Variants in CASS4 observed in about 807,000 individuals in gnomAD.
CASS4 encodes the protein Cas scaffold protein family member 4, also known as cas scaffolding protein family member 4.
CASS4 carries 22 observed loss-of-function variants against 54.2 expected under a neutral mutation model. That is an observed-to-expected ratio of 0.41 (90% CI 0.29 to 0.58). The LOEUF (loss-of-function observed/expected upper bound fraction) is 0.58. Ranked by LOEUF, CASS4 falls within the 20% of genes least tolerant of loss-of-function variation. CASS4 has a pLI of 0.36. For missense variants in CASS4, 854 were observed against 986.7 expected (o/e 0.87, Z 1.80); for synonymous variants, 409 against 391.5 (o/e 1.04, Z -0.53).
In CASS4 at chr20:56,452,304, C is replaced by T. The variant is rs1187148792; in HGVS notation, c.1128C>T (p.Ser376=). 2 of 1,613,698 alleles carry T rather than the reference C, an allele frequency of 1.2e-6. No individual in the cohort carries two copies. Among genetic ancestry groups the T allele is most frequent in the African/African-American group, 1.3e-5 (1 of 74,916 alleles). The part of the protein sequence containing the change: ...LEKAKEVSEN[S]AGHNSSWFSR... ...AAGCCAAGGAGGTGTCAGAGAATTC[C>T]GCGGGCCATAATTCCTCATGGTTCT... The change falls in exon 5 of 6, where the codon TCC becomes TCT. Residue 376 remains serine (S), a synonymous_variant. Coordinates refer to ENST00000679887, the MANE Select transcript of CASS4 (RefSeq NM_020356.4).
Position 56,452,030 on chromosome 20 carries a change from GCAGA to G in CASS4, c.855_858del (p.Arg286ProfsTer8). 6.2e-7 allele frequency: 1 copy of G among 1,614,156 alleles called. No individual in the cohort carries two copies. The highest frequency in any genetic ancestry group is 8.5e-7 in the Non-Finnish European group (1 of 1,180,026). ...TCCACTTTCTACAATCCTCCAAGTGGCAGATCCAGGTCCCTCACTCCACAACTGA... is the reference window on the plus strand; with the variant it reads ...TCCACTTTCTACAATCCTCCAAGTGGTCCAGGTCCCTCACTCCACAACTGA... On this transcript the variant is annotated frameshift_variant, in exon 5 of 6. Transcript: ENST00000679887. LOFTEE classifies it high-confidence loss of function.
At chr20:56,420,261 GTCTGTCT>G (rs1214136163) in intron 1 of CASS4, among the ~76,000 whole-genome samples, 1 of 152,180 alleles carries the variant, frequency 6.6e-6, no homozygotes, top group Admixed American at 6.5e-5. Flanking sequence ...AGCCCAGGCA[GTCTGTCT>G]TTTGTGGGGT....
At chr20:56,432,338 T>C (rs1979945335) in intron 1 of CASS4, among the ~76,000 whole-genome samples, 1 of 150,624 alleles carries the variant, frequency 6.6e-6, no homozygotes, top group South Asian at 2.1e-4. Flanking sequence ...CAAAGTAGCA[T>C]GTAAGTTTCA....
chr20:56,431,212 G>A (rs1429297230), intron 1 of CASS4, among the ~76,000 whole-genome samples: 1 of 152,170 alleles, frequency 6.6e-6, no homozygotes, highest in East Asian at 1.9e-4. Flanking sequence ...CATAGAAATA[G>A]GTAATATTAT....
rs573222718 is a variant in CASS4 at position 56,454,697 on chromosome 20, T to C, written c.1953+1568T>C. ...TTAGAAGAGAAAGATAAACCTATCT[T>C]GGAATAAAGGTTAGATGAAAACAAA... On this transcript the variant is annotated intron_variant, in intron 5 of 5. Coordinates refer to ENST00000679887, the MANE Select transcript of CASS4 (RefSeq NM_020356.4). Among the ~76,000 whole-genome samples the C allele has an allele frequency of 3.3e-5, 5 of 152,336 alleles. No homozygotes were observed. The East Asian group carries it at 7.7e-4, about 23-fold the overall frequency.
At chr20:56,432,896 A>AAGG (rs1555865176) in intron 1 of CASS4, among the ~76,000 whole-genome samples, 7 of 151,828 alleles carry the variant, frequency 4.6e-5, no homozygotes, top group African/African-American at 1.7e-4. Flanking sequence ...AAGTGTGGGC[A>AAGG]GGGGCGTCAC....
At chr20:56,421,942 G>T (rs1979433502) in intron 1 of CASS4, among the ~76,000 whole-genome samples, 1 of 152,222 alleles carries the variant, frequency 6.6e-6, no homozygotes, top group African/African-American at 2.4e-5. Flanking sequence ...TAAGAGGTAA[G>T]AGTAAGAGAA....
intron 1 of CASS4, among the ~76,000 whole-genome samples, chr20:56,436,808 G>A (rs1312579585): frequency 1.3e-5 from 2 of 152,076 alleles, no homozygotes; most frequent in Non-Finnish European, 2.9e-5. Context: ...GACTGCCTGA[G>A]CCCGGGAGGT....
chr20:56,458,844 A>T lies in CASS4; in HGVS notation c.*97A>T. 7.9e-7 allele frequency: 1 copy of T among 1,258,456 alleles called. No homozygotes were observed. The highest frequency in any genetic ancestry group is 1.1e-6 in the Non-Finnish European group (1 of 922,212). 78.0% of individuals were successfully genotyped at this position (1,258,456 alleles called of 1,614,324 possible). ...ATGGGAAAAGCCAGCCGGGGCATAC[A>T]CCAATGAGCTGAAACAGACCTGGTG... On this transcript the variant is annotated 3_prime_UTR_variant, in exon 6 of 6. Coordinates refer to ENST00000679887, the MANE Select transcript of CASS4 (RefSeq NM_020356.4).
chr20:56,436,628 T>G (rs913373303), intron 1 of CASS4, among the ~76,000 whole-genome samples: 3 of 152,030 alleles, frequency 2.0e-5, no homozygotes, highest in Admixed American at 6.6e-5. Flanking sequence ...TGCACTGAAC[T>G]ACATAACTAC....
At chr20:56,450,468 C>G in intron 3 of CASS4, 131 bp from the exon 4 acceptor site, 1 of 818,122 alleles carries the variant, frequency 1.2e-6, no homozygotes, top group Non-Finnish European at 2.0e-6. Context: ...GCATCATGAC[C>G]AAAAGCACCG....
intron 5 of CASS4, chr20:56,453,617 G>C (rs994451007): frequency 6.5e-6 from 1 of 154,926 alleles, no homozygotes; most frequent in East Asian, 1.9e-4. Flanking sequence ...GGCTGGGCCT[G>C]GTGGCTTATG....
chr20:56,438,655 G>A lies in CASS4; in HGVS notation c.459+1069G>A, dbSNP rs977287173. Among the ~76,000 whole-genome samples, 7 of 152,236 alleles carry A rather than the reference G, an allele frequency of 4.6e-5. No homozygotes were observed. The East Asian group carries it at 5.8e-4, about 13-fold the overall frequency. ...GGGCAGATCACAAGGTCAGGAGTTC[G>A]AGACCAGCCTGGCCAACATAGTGAA... On this transcript the variant is annotated intron_variant, in intron 2 of 5. Coordinates refer to ENST00000679887, the MANE Select transcript of CASS4 (RefSeq NM_020356.4).
At chr20:56,458,142 A>G (rs1981388056) in intron 5 of CASS4, among the ~76,000 whole-genome samples, 198 bp from the exon 6 acceptor site, 1 of 151,572 alleles carries the variant, frequency 6.6e-6, no homozygotes, top group Non-Finnish European at 1.5e-5. Context: ...ACAATATAAT[A>G]TTGTATATAT....
intron 1 of CASS4, among the ~76,000 whole-genome samples, chr20:56,436,852 A>G (rs1568674230): frequency 6.6e-6 from 1 of 152,028 alleles, no homozygotes; most frequent in Non-Finnish European, 1.5e-5. Context: ...TCACCGCTGC[A>G]CTCCAGCCTG....
At position 56,452,094 on chromosome 20, in the gene CASS4, T is replaced by C; in HGVS notation, c.918T>C (p.Leu306=). 6.2e-7 allele frequency: 1 copy of C among 1,614,184 alleles called. No individual in the cohort carries two copies. Residue 306 remains leucine, a synonymous_variant, in exon 5 of 6, where the codon CTT becomes CTC. Coordinates refer to ENST00000679887, the MANE Select transcript of CASS4 (RefSeq NM_020356.4). The part of the protein sequence containing the change: ...NNVPMQKKLS[L]PEIPSYGFLV... ...TGCCCATGCAGAAAAAACTCAGCCT[T>C]CCAGAAATTCCTTCTTATGGCTTTC... is the stretch of plus-strand genomic sequence containing the variant.
rs1370096847 is a variant in CASS4, at chr20:56,412,332, G to T, written c.-127G>T. ...TCTTTTTGATCGTTTCCCATGTGTT[G>T]TCAGATAGCTCCATAGAATTCAGTT... On this transcript the variant is annotated 5_prime_UTR_variant, in exon 1 of 6. Coordinates refer to ENST00000679887, the MANE Select transcript of CASS4 (RefSeq NM_020356.4). This position sits in a 1 kb window ranked among gnomAD's most constrained non-coding sequence, Gnocchi z 4.2. 1 of 1,007,686 alleles carries T rather than the reference G, an allele frequency of 9.9e-7. No homozygotes were observed. The highest frequency in any genetic ancestry group is 1.5e-6 in the Non-Finnish European group (1 of 663,054). 62.4% of individuals were successfully genotyped at this position (1,007,686 alleles called of 1,614,324 possible). A position where few individuals can be genotyped will look rare whatever the true frequency, so the allele number is the denominator to read the frequency against.
chr20:56,452,989 G>A lies in CASS4; in HGVS notation c.1813G>A (p.Glu605Lys), dbSNP rs1981112959. The A allele has an allele frequency of 6.2e-7, 1 of 1,613,930 alleles. No individual in the cohort carries two copies. The highest frequency in any genetic ancestry group is 8.5e-7 in the Non-Finnish European group (1 of 1,180,022). ...EETVQLTPNA[E>K]FKCEKYIQPP... ...GACTGTGCAGTTGACCCCAAATGCA[G>A]AATTTAAGTGTGAAAAATACATCCA... The change falls in exon 5 of 6, where the codon GAA (glutamate) becomes AAA (lysine). Residue 605 changes from glutamate (E) to lysine (K), a missense_variant. Coordinates refer to ENST00000679887, the MANE Select transcript of CASS4 (RefSeq NM_020356.4).
At chr20:56,416,021 A>T (rs758258870) in intron 1 of CASS4, among the ~76,000 whole-genome samples, 5 of 152,196 alleles carry the variant, frequency 3.3e-5, no homozygotes, top group Admixed American at 1.3e-4. Context: ...CCAACTAGTC[A>T]ACTCCATTCA....
Sources: allele counts gnomAD v4.1 joint callset (sites outside exome capture counted in the v4.1 genomes callset), GRCh38; gene constraint gnomAD v4.1.1; non-coding constraint Gnocchi (gnomAD v3.1); transcripts MANE v1.5; gene names NCBI Gene and HGNC (gene_info 2026-07-23, HGNC 2026-07-21).